PIK3C2G: variants seen among roughly 807,000 people sequenced by gnomAD.
The protein encoded by PIK3C2G is phosphatidylinositol-4-phosphate 3-kinase catalytic subunit type 2 gamma.
In PIK3C2G, 168 loss-of-function variants were observed where a neutral mutation model predicts 181.1. That is an observed-to-expected ratio of 0.93 (90% CI 0.82 to 1.05). The LOEUF is 1.05. Ranked by LOEUF, PIK3C2G falls within the 50% of genes least tolerant of loss-of-function variation. The probability of loss-of-function intolerance (pLI) is 0.00; values close to 1 mark genes in which losing one functional copy is unlikely to be tolerated. For missense variants in PIK3C2G, 1,869 were observed against 1,732.8 expected, an observed-to-expected ratio of 1.08 and a Z score of -1.40; for synonymous variants, 573 against 592.2, an observed-to-expected ratio of 0.97 and a Z score of 0.47.
intron 9 of PIK3C2G, among the ~76,000 whole-genome samples, chr12:18,339,846 C>T (rs995289708): frequency 2.0e-5 from 3 of 151,758 alleles, no homozygotes; most frequent in African/African-American, 7.3e-5. Flanking sequence ...TGGAGGTATA[C>T]CACAAAAATA....
chr12:18,250,167 A>G lies in PIK3C2G; in HGVS notation c.-79+2085A>G, dbSNP rs147087936. On this transcript the variant is annotated intron_variant, in intron 1 of 11. Coordinates refer to the PIK3C2G transcript ENST00000535651. ...TGCTAACAATTAGCTTGTTCTTATT[A>G]TGGTGAAAATAGATTTATACATTTT... 2.6e-4 allele frequency among the ~76,000 whole-genome samples: 40 copies of G among 152,166 alleles called. No homozygotes were observed. In the East Asian group the frequency reaches 7.3e-3, roughly 28 times the overall value.
chr12:18,350,820 G>A (rs1940150236), intron 11 of PIK3C2G, among the ~76,000 whole-genome samples: 1 of 152,134 alleles, frequency 6.6e-6, no homozygotes, highest in African/African-American at 2.4e-5. Context: ...CCAGAAAGAT[G>A]CAACAAAGTA....
intron 15 of PIK3C2G, 47 bp from the exon 16 acceptor site, chr12:18,399,612 A>T: frequency 8.5e-7 from 1 of 1,172,076 alleles, no homozygotes; most frequent in Non-Finnish European, 1.2e-6. Context: ...AACATTTGTT[A>T]GTGCAGCAAA....
At chr12:18,428,237 C>T (rs547018659) in intron 18 of PIK3C2G, among the ~76,000 whole-genome samples, 6 of 150,420 alleles carry the variant, frequency 4.0e-5, no homozygotes, top group East Asian at 2.0e-4. Context: ...TGCTTCTGTG[C>T]AAAATGTTTG....
At chr12:18,548,632 G>A (rs768606244) in intron 26 of PIK3C2G, among the ~76,000 whole-genome samples, 3 of 151,986 alleles carry the variant, frequency 2.0e-5, no homozygotes, top group Non-Finnish European at 2.9e-5. Context: ...GCAGTGAGGC[G>A]GACCTTGTGA....
intron 15 of PIK3C2G, among the ~76,000 whole-genome samples, chr12:18,399,380 TAA>T (rs80121817): frequency 2.1e-5 from 3 of 139,692 alleles, no homozygotes. Context: ...AATGACATAT[TAA>T]AAAAAAAAAA....
chr12:18,290,846 GT>G lies in PIK3C2G; in HGVS notation c.762-4del. The G allele has an allele frequency of 6.3e-7, 1 of 1,575,020 alleles. No homozygotes were observed. The highest frequency in any genetic ancestry group is 1.1e-5 in the South Asian group (1 of 89,236). On this transcript the variant is annotated splice_polypyrimidine_tract_variant and splice_region_variant and intron_variant, in intron 3 of 32. Coordinates refer to ENST00000538779, the MANE Select transcript of PIK3C2G (RefSeq NM_001288772.2). ...GTCCTAAGTATTTTTCTTAACATAT[GT>G]TTTTCAGAATCAGAGAAAGATATCA...
the PIK3C2G span, chr12:18,687,992 A>C: frequency 6.6e-7 from 1 of 1,504,656 alleles, no homozygotes; most frequent in Non-Finnish European, 9.0e-7. Flanking sequence ...TTGTCTTATG[A>C]ATAATAAATA....
intron 25 of PIK3C2G, among the ~76,000 whole-genome samples, chr12:18,544,213 T>C (rs1354448175): frequency 6.6e-6 from 1 of 151,852 alleles, no homozygotes; most frequent in Non-Finnish European, 1.5e-5. Flanking sequence ...TAACCAAGTG[T>C]GCCCAGTCTG....
the PIK3C2G span, among the ~76,000 whole-genome samples, chr12:18,669,059 C>T: frequency 6.6e-6 from 1 of 152,154 alleles, no homozygotes; most frequent in Admixed American, 6.6e-5. Flanking sequence ...TTATGTGACA[C>T]TCTTGTCTCT....
intron 5 of PIK3C2G, among the ~76,000 whole-genome samples, 169 bp from the exon 6 acceptor site, chr12:18,313,793 T>C (rs1431317531): frequency 7.3e-6 from 1 of 136,882 alleles, no homozygotes; most frequent in Non-Finnish European, 1.5e-5. Flanking sequence ...AAATATGTAA[T>C]GCATATATAT....
intron 2 of PIK3C2G, chr12:18,285,374 G>T (rs907262182): frequency 6.6e-6 from 1 of 151,958 alleles, no homozygotes; most frequent in Non-Finnish European, 1.5e-5. Flanking sequence ...AATACTTCTG[G>T]TACAAGGAAA....
At chr12:18,284,795 T>A (rs1345151127) in intron 2 of PIK3C2G, among the ~76,000 whole-genome samples, 2 of 151,782 alleles carry the variant, frequency 1.3e-5, no homozygotes, top group Admixed American at 1.3e-4. Context: ...AAAATAATAA[T>A]TTGAAAGCAA....
intron 25 of PIK3C2G, among the ~76,000 whole-genome samples, chr12:18,544,430 T>C (rs551650440): frequency 6.6e-6 from 1 of 151,828 alleles, no homozygotes; most frequent in East Asian, 1.9e-4. Context: ...ATTAAAGAGA[T>C]AAGGATTGGA....
chr12:18,718,734 T>C, the PIK3C2G span, among the ~76,000 whole-genome samples: 3 of 152,186 alleles, frequency 2.0e-5, no homozygotes, highest in African/African-American at 7.2e-5. Flanking sequence ...TAGTTCATCT[T>C]CCCTGTATGA....
In PIK3C2G at chr12:18,521,205, T is replaced by C. The variant is rs191656144; in HGVS notation, c.3323+15744T>C. On this transcript the variant is annotated intron_variant, in intron 24 of 32. Coordinates refer to ENST00000538779, the MANE Select transcript of PIK3C2G (RefSeq NM_001288772.2). ...TGTATTGGGTGTCTGACAACCTCTG[T>C]TGGAGGGTCTCACCCAGTTGGGTGG... Among the ~76,000 whole-genome samples the C allele has an allele frequency of 3.3e-5, 5 of 152,298 alleles. No homozygotes were observed. In the East Asian group the frequency reaches 9.7e-4, roughly 29 times the overall value.
At chr12:18,345,466 T>C (rs561491572) in intron 10 of PIK3C2G, among the ~76,000 whole-genome samples, 4 of 152,054 alleles carry the variant, frequency 2.6e-5, no homozygotes, top group Non-Finnish European at 5.9e-5. Flanking sequence ...AAGTGAAAAA[T>C]AGCATGTGTT....
the PIK3C2G span, among the ~76,000 whole-genome samples, chr12:18,670,736 A>G: frequency 6.6e-6 from 1 of 152,094 alleles, no homozygotes; most frequent in Admixed American, 6.5e-5. Context: ...TGTTCTTTTT[A>G]CTTTATCATC....
chr12:18,580,621 T>G, intron 29 of PIK3C2G, among the ~76,000 whole-genome samples: 1 of 152,216 alleles, frequency 6.6e-6, no homozygotes, highest in Non-Finnish European at 1.5e-5. Flanking sequence ...GTTGATGACA[T>G]TTTAAACTAG....
Sources: gnomAD v4.1 joint callset for allele counts (sites outside exome capture counted in the v4.1 genomes callset) on GRCh38, gnomAD v4.1.1 for gene constraint, MANE v1.5 for transcripts, NCBI Gene and HGNC (gene_info 2026-07-23, HGNC 2026-07-21) for gene names.